The following GALNT17 variants were observed in gnomAD, a reference collection of about 807,000 sequenced individuals.
The protein encoded by GALNT17 is UDP-GalNAc:polypeptide N-acetylgalactosaminyltransferase-like 3.
Under a neutral mutation model 63.7 loss-of-function variants are expected in GALNT17, and 29 were observed. The observed-to-expected ratio is 0.46, with a 90% confidence interval of 0.34 to 0.62. GALNT17 has a LOEUF of 0.62. GALNT17 is among the 20% of genes least tolerant of loss of function. The probability of loss-of-function intolerance (pLI) is 0.01; values close to 1 mark genes in which losing one functional copy is unlikely to be tolerated. For missense variants in GALNT17, 603 were observed against 799.6 expected, an observed-to-expected ratio of 0.75 and a Z score of 2.97; for synonymous variants, 305 against 318.3, an observed-to-expected ratio of 0.96 and a Z score of 0.45.
chr7:71,272,139 T>C (rs1414882230), intron 1 of GALNT17, among the ~76,000 whole-genome samples: 1 of 152,254 alleles, frequency 6.6e-6, no homozygotes. Context: ...CTTTGGGGCC[T>C]GGCTTCTTTC....
intron 1 of GALNT17, among the ~76,000 whole-genome samples, chr7:71,249,689 G>A (rs537034967): frequency 4.6e-5 from 7 of 152,228 alleles, no homozygotes; most frequent in Non-Finnish European, 1.0e-4. Flanking sequence ...TAATTCACAG[G>A]TCTGGTTTTA....
intron 5 of GALNT17, among the ~76,000 whole-genome samples, chr7:71,491,957 A>G (rs2116675622): frequency 6.6e-6 from 1 of 152,098 alleles, no homozygotes; most frequent in Admixed American, 6.5e-5. Flanking sequence ...GGAATTCAAG[A>G]CCAGCCTGGG....
chr7:71,155,123 T>C (rs1788210432), intron 1 of GALNT17, among the ~76,000 whole-genome samples: 1 of 151,590 alleles, frequency 6.6e-6, no homozygotes, highest in Non-Finnish European at 1.5e-5. Flanking sequence ...AATGCAAGAG[T>C]GGCTGTTGTG....
chr7:71,484,011 A>G (rs900860657), intron 5 of GALNT17, among the ~76,000 whole-genome samples: 62 of 152,212 alleles, frequency 4.1e-4, no homozygotes, highest in African/African-American at 1.2e-3. Flanking sequence ...GCAATAACAC[A>G]CGCATGGAGC....
intron 9 of GALNT17, among the ~76,000 whole-genome samples, chr7:71,701,881 GTA>G (rs1209538660): frequency 0.02 from 1,794 of 89,998 alleles, 50 homozygotes; most frequent in African/African-American, 0.054. Flanking sequence ...ATATATATAT[GTA>G]TATATATATA....
At chr7:71,293,155 T>C (rs1471485568) in intron 1 of GALNT17, among the ~76,000 whole-genome samples, 2 of 152,210 alleles carry the variant, frequency 1.3e-5, no homozygotes, top group Non-Finnish European at 2.9e-5. Flanking sequence ...TTGTGAATAA[T>C]ACTGCAGCCG....
At chr7:71,185,311 TC>T (rs1182264883) in intron 1 of GALNT17, among the ~76,000 whole-genome samples, 1 of 150,466 alleles carries the variant, frequency 6.6e-6, no homozygotes, top group Non-Finnish European at 1.5e-5. Context: ...GCTCAGGTGA[TC>T]CCCCCACCTC....
intron 5 of GALNT17, among the ~76,000 whole-genome samples, chr7:71,458,941 G>T (rs555932821): frequency 6.6e-6 from 1 of 152,256 alleles, no homozygotes. Context: ...AACAGGAATG[G>T]CTGTTCCCAT....
At chr7:71,596,183 T>A (rs369758864) in intron 6 of GALNT17, among the ~76,000 whole-genome samples, 1 of 151,920 alleles carries the variant, frequency 6.6e-6, no homozygotes, top group Admixed American at 6.6e-5. Flanking sequence ...GGATTACAGG[T>A]GCCCACCACC....
intron 2 of GALNT17, among the ~76,000 whole-genome samples, chr7:71,365,068 T>C (rs1792478289): frequency 6.6e-6 from 1 of 151,838 alleles, no homozygotes; most frequent in African/African-American, 2.4e-5. Flanking sequence ...GTAGCTGTGA[T>C]TACAGGCCTG....
intron 1 of GALNT17, among the ~76,000 whole-genome samples, chr7:71,198,612 C>T (rs1156269104): frequency 6.6e-6 from 1 of 152,202 alleles, no homozygotes; most frequent in Non-Finnish European, 1.5e-5. Flanking sequence ...CAACACAGAC[C>T]TGTAAGAATG....
At chr7:71,469,966 T>C (rs1184079472) in intron 5 of GALNT17, among the ~76,000 whole-genome samples, 1 of 152,194 alleles carries the variant, frequency 6.6e-6, no homozygotes, top group Non-Finnish European at 1.5e-5. Flanking sequence ...CCCAACACTT[T>C]GGGAGGCTGA....
chr7:71,232,619 A>C (rs913023276), intron 1 of GALNT17, among the ~76,000 whole-genome samples: 7 of 152,146 alleles, frequency 4.6e-5, no homozygotes, highest in Admixed American at 3.9e-4. Flanking sequence ...TAGTAGAAGA[A>C]ACCAGCTTTA....
At chr7:71,569,663 C>G (rs982940007) in intron 5 of GALNT17, among the ~76,000 whole-genome samples, 2 of 152,180 alleles carry the variant, frequency 1.3e-5, no homozygotes, top group African/African-American at 4.8e-5. Flanking sequence ...CTTTTCCACA[C>G]TAGTCTTGAA....
intron 6 of GALNT17, among the ~76,000 whole-genome samples, chr7:71,661,896 A>G (rs1161847341): frequency 3.3e-5 from 5 of 152,134 alleles, no homozygotes; most frequent in Non-Finnish European, 7.4e-5. Context: ...AGATGTGCTG[A>G]GCTTCCTGCC....
chr7:71,379,039 G>A (rs1287536231), intron 2 of GALNT17, among the ~76,000 whole-genome samples: 1 of 152,052 alleles, frequency 6.6e-6, no homozygotes, highest in African/African-American at 2.4e-5. Context: ...GCTCCTGAAC[G>A]CCTGCACTCT....
chr7:71,338,330 AAAAAAATAAATAAAT>A (rs1432056430), intron 2 of GALNT17, among the ~76,000 whole-genome samples: 6 of 148,516 alleles, frequency 4.0e-5, no homozygotes, highest in Non-Finnish European at 7.4e-5. Context: ...CCGTCTCAAA[AAAAAAATAAATAAAT>A]AAAAAATAAA....
intron 5 of GALNT17, among the ~76,000 whole-genome samples, chr7:71,502,631 G>A (rs1788199395): frequency 6.6e-6 from 1 of 152,132 alleles, no homozygotes; most frequent in African/African-American, 2.4e-5. Flanking sequence ...TGATGCCCAA[G>A]GAGCTCCTGG....
chr7:71,644,555 G>A (rs867568739), intron 6 of GALNT17, among the ~76,000 whole-genome samples: 366 of 110,688 alleles, frequency 3.3e-3, no homozygotes, highest in Middle Eastern at 5.3e-3. Flanking sequence ...AAAAACAAAA[G>A]AAAAAAAAAA....
Sources: allele counts gnomAD v4.1 joint callset (sites outside exome capture counted in the v4.1 genomes callset), GRCh38; gene constraint gnomAD v4.1.1; transcripts MANE v1.5; gene names NCBI Gene and HGNC (gene_info 2026-07-23, HGNC 2026-07-21).